The following PLPP1 variants were observed in gnomAD, a reference collection of about 807,000 sequenced individuals.
PLPP1 encodes lipid phosphate phosphohydrolase 1a.
In PLPP1, 24 loss-of-function variants were observed where a neutral mutation model predicts 31.2. The observed-to-expected ratio is 0.77, with a 90% CI of 0.56 to 1.08. The LOEUF (loss-of-function observed/expected upper bound fraction) is 1.08. Among genes scored for constraint, PLPP1 ranks in the 50% least tolerant of loss-of-function variants. PLPP1 has a pLI of 0.00. For missense variants in PLPP1, 319 were observed against 342.7 expected (o/e 0.93, Z 0.55); for synonymous variants, 146 against 126.3 (o/e 1.16, Z -1.05).
chr5:55,504,938 G>A (rs1180618080), intron 1 of PLPP1, among the ~76,000 whole-genome samples: 1 of 151,516 alleles, frequency 6.6e-6, no homozygotes, highest in Non-Finnish European at 1.5e-5. Context: ...AGCCTTCTGA[G>A]TAGCTTGAAC....
chr5:55,521,948 T>C (rs1362842571), intron 1 of PLPP1, among the ~76,000 whole-genome samples: 1 of 152,156 alleles, frequency 6.6e-6, no homozygotes, highest in Non-Finnish European at 1.5e-5. Flanking sequence ...AGCAAACCCA[T>C]CTCTCCTACT....
chr5:55,512,631 TA>T (rs1753460979), intron 1 of PLPP1, among the ~76,000 whole-genome samples: 1 of 152,036 alleles, frequency 6.6e-6, no homozygotes, highest in South Asian at 2.1e-4. Flanking sequence ...TTCAAATGTC[TA>T]AAAATTAGAG....
intron 3 of PLPP1, among the ~76,000 whole-genome samples, chr5:55,455,246 G>C (rs1751979383): frequency 6.6e-6 from 1 of 151,866 alleles, no homozygotes; most frequent in Non-Finnish European, 1.5e-5. Flanking sequence ...GAAAAAAAAA[G>C]CAAATCTCTT....
At chr5:55,491,742 C>T (rs1752892104) in intron 1 of PLPP1, among the ~76,000 whole-genome samples, 1 of 151,504 alleles carries the variant, frequency 6.6e-6, no homozygotes, top group Admixed American at 6.6e-5. Flanking sequence ...CCTGTAGTCC[C>T]AGCTACTGGG....
At chr5:55,520,794 T>A (rs1753647534) in intron 1 of PLPP1, among the ~76,000 whole-genome samples, 1 of 152,266 alleles carries the variant, frequency 6.6e-6, no homozygotes, top group African/African-American at 2.4e-5. Context: ...CTCATATCCT[T>A]CTGAACTATC....
At chr5:55,502,297 G>A (rs2111884496) in intron 1 of PLPP1, among the ~76,000 whole-genome samples, 1 of 152,250 alleles carries the variant, frequency 6.6e-6, no homozygotes, top group South Asian at 2.1e-4. Flanking sequence ...GGCCATCCTG[G>A]CCAACATGGT....
chr5:55,521,784 T>C (rs573945463), intron 1 of PLPP1, among the ~76,000 whole-genome samples: 21 of 152,196 alleles, frequency 1.4e-4, no homozygotes, highest in Non-Finnish European at 2.6e-4. Context: ...GTATCTCCAG[T>C]GGTAGGTAGG....
At chr5:55,512,917 A>C (rs1171730726) in intron 1 of PLPP1, among the ~76,000 whole-genome samples, 1 of 152,200 alleles carries the variant, frequency 6.6e-6, no homozygotes, top group African/African-American at 2.4e-5. Context: ...TTCAGAAGAC[A>C]AGGCAGGATA....
chr5:55,456,097 T>C (rs1003020424), intron 3 of PLPP1, among the ~76,000 whole-genome samples: 1 of 152,214 alleles, frequency 6.6e-6, no homozygotes, highest in African/African-American at 2.4e-5. Context: ...ATTGCAAGTA[T>C]ATAGCCCCTT....
intron 3 of PLPP1, among the ~76,000 whole-genome samples, chr5:55,443,212 TACACAC>T (rs960914383): frequency 3.8e-5 from 4 of 104,998 alleles, no homozygotes; most frequent in African/African-American, 1.2e-4. Flanking sequence ...TATATATATA[TACACAC>T]ACACACACAC....
intron 3 of PLPP1, among the ~76,000 whole-genome samples, chr5:55,458,837 AAGAT>A (rs1215946872): frequency 1.4e-5 from 2 of 143,762 alleles, no homozygotes; most frequent in African/African-American, 5.1e-5. Flanking sequence ...GCAGTGGGCC[AAGAT>A]TATGCCACTG....
chr5:55,425,802 C>CTAT, intron 5 of PLPP1, 61 bp downstream of exon 5: 1 of 1,346,776 alleles, frequency 7.4e-7, no homozygotes, highest in Non-Finnish European at 9.7e-7. Flanking sequence ...TTTTTTTTTT[C>CTAT]TATTTACTTA....
chr5:55,530,201 A>G (rs1059387), intron 1 of PLPP1: 5 of 1,347,840 alleles, frequency 3.7e-6, no homozygotes, highest in African/African-American at 1.4e-5. Context: ...TTTGACATTG[A>G]GTTTCTTCAT....
intron 3 of PLPP1, among the ~76,000 whole-genome samples, chr5:55,442,206 A>G (rs1041219069): frequency 2.0e-5 from 3 of 152,248 alleles, no homozygotes; most frequent in East Asian, 1.9e-4. Context: ...TTGACAAGTC[A>G]TAACTGGCAC....
At chr5:55,437,761 T>C (rs1751526867) in intron 4 of PLPP1, among the ~76,000 whole-genome samples, 1 of 152,348 alleles carries the variant, frequency 6.6e-6, no homozygotes, top group East Asian at 1.9e-4. Context: ...ACTGAGGCAC[T>C]AAATTTAGAT....
intron 5 of PLPP1, 168 bp downstream of exon 5, chr5:55,425,695 C>T: frequency 1.8e-6 from 1 of 564,840 alleles, no homozygotes; most frequent in Non-Finnish European, 2.9e-6. Flanking sequence ...AAAGAGCAAC[C>T]TAGTTTTTAA....
chr5:55,523,165 T>G (rs567565873), intron 1 of PLPP1, among the ~76,000 whole-genome samples: 1 of 152,260 alleles, frequency 6.6e-6, no homozygotes, highest in Non-Finnish European at 1.5e-5. Flanking sequence ...AGGTATATAA[T>G]TTATAATCAT....
intron 1 of PLPP1, among the ~76,000 whole-genome samples, chr5:55,515,673 A>T (rs1753541439): frequency 6.6e-6 from 1 of 150,524 alleles, no homozygotes. Flanking sequence ...GATCGTTACC[A>T]CTCTCTCCAC....
chr5:55,527,649 A>C (rs796339717), intron 1 of PLPP1, among the ~76,000 whole-genome samples: 9 of 152,368 alleles, frequency 5.9e-5, no homozygotes, highest in African/African-American at 2.2e-4. Flanking sequence ...TAATGAAGGA[A>C]CCATTTCAAA....
Sources: allele counts gnomAD v4.1 joint callset (sites outside exome capture counted in the v4.1 genomes callset), GRCh38; gene constraint gnomAD v4.1.1; transcripts MANE v1.5; gene names NCBI Gene and HGNC (gene_info 2026-07-23, HGNC 2026-07-21).